CNNM4: variants seen among roughly 807,000 people sequenced by gnomAD.
The protein encoded by CNNM4 is cyclin and CBS domain divalent metal cation transport mediator 4, also known as metal transporter CNNM4.
In CNNM4, 32 loss-of-function variants were observed where a neutral mutation model predicts 53.7. The observed-to-expected ratio is 0.60, with a 90% confidence interval of 0.45 to 0.80. CNNM4 has a LOEUF of 0.80. CNNM4 is among the 30% of genes least tolerant of loss of function. The pLI is 0.00. For synonymous variants in CNNM4, 410 were observed against 440.0 expected (o/e 0.93, Z 0.85); for missense variants, 784 against 1,022.0 (o/e 0.77, Z 3.17).
chr2:96,794,130 C>A (rs1357121323), intron 1 of CNNM4, among the ~76,000 whole-genome samples: 1 of 152,086 alleles, frequency 6.6e-6, no homozygotes, highest in African/African-American at 2.4e-5. Context: ...GCTCACTGAA[C>A]CTTGTCAAAG....
intron 1 of CNNM4, among the ~76,000 whole-genome samples, chr2:96,791,769 A>G (rs1286859824): frequency 6.6e-6 from 1 of 152,170 alleles, no homozygotes; most frequent in Non-Finnish European, 1.5e-5. Flanking sequence ...AAAACCAGCA[A>G]TTCATGTGGC....
chr2:96,778,570 A>T (rs1240187511), intron 1 of CNNM4, among the ~76,000 whole-genome samples: 1 of 151,866 alleles, frequency 6.6e-6, no homozygotes, highest in Non-Finnish European at 1.5e-5. Flanking sequence ...AAAAAAAAAA[A>T]AATTATTTCT....
At chr2:96,769,636 C>CT (rs1371329320) in intron 1 of CNNM4, among the ~76,000 whole-genome samples, 2 of 151,278 alleles carry the variant, frequency 1.3e-5, no homozygotes, top group African/African-American at 2.4e-5. Flanking sequence ...AAAAGCCAGG[C>CT]TGAGGCGACT....
intron 1 of CNNM4, among the ~76,000 whole-genome samples, chr2:96,767,907 T>TA (rs1393704805): frequency 2.0e-5 from 3 of 152,204 alleles, no homozygotes; most frequent in African/African-American, 7.2e-5. Flanking sequence ...CCATCTTTAC[T>TA]AAAAAAATGC....
chr2:96,789,453 A>G (rs1303985277), intron 1 of CNNM4, among the ~76,000 whole-genome samples: 4 of 152,056 alleles, frequency 2.6e-5, no homozygotes, highest in African/African-American at 9.7e-5. Flanking sequence ...GAGGCCTCAC[A>G]TGGTGTTCTT....
At chr2:96,769,432 G>A (rs1321786904) in intron 1 of CNNM4, among the ~76,000 whole-genome samples, 1 of 151,658 alleles carries the variant, frequency 6.6e-6, no homozygotes, top group African/African-American at 2.4e-5. Context: ...AGGCGTGGTG[G>A]TGGGTGCCTG....
chr2:96,785,442 A>AT (rs1178675380), intron 1 of CNNM4, among the ~76,000 whole-genome samples: 4 of 150,764 alleles, frequency 2.7e-5, no homozygotes, highest in Non-Finnish European at 5.9e-5. Context: ...TTTGAGACCA[A>AT]CCTGGGCAAC....
At chr2:96,781,679 G>C (rs1448533853) in intron 1 of CNNM4, among the ~76,000 whole-genome samples, 1 of 152,110 alleles carries the variant, frequency 6.6e-6, no homozygotes, top group Non-Finnish European at 1.5e-5. Flanking sequence ...TTTTTATCCA[G>C]ACCTCATTAC....
At chr2:96,784,088 G>A (rs1017253397) in intron 1 of CNNM4, among the ~76,000 whole-genome samples, 5 of 152,064 alleles carry the variant, frequency 3.3e-5, no homozygotes, top group African/African-American at 1.2e-4. Context: ...CTGTCTCTAC[G>A]AAAATAAAAT....
chr2:96,783,953 A>G (rs982962007), intron 1 of CNNM4, among the ~76,000 whole-genome samples: 1 of 152,258 alleles, frequency 6.6e-6, no homozygotes, highest in Non-Finnish European at 1.5e-5. Flanking sequence ...TATTTTATCT[A>G]TATATATCCA....
rs538461374 is a variant in CNNM4, at chr2:96,777,264, C to T, written c.1402+14863C>T. The stretch of plus-strand genomic sequence containing the variant: ...TCAATCTCTTGATCTTGTGATCTGC[C>T]CGCCTCGGCCTCCCAAAGTGCTGGG... On this transcript the variant is annotated intron_variant, in intron 1 of 6. Transcript: ENST00000377075. Among the ~76,000 whole-genome samples the T allele has an allele frequency of 4.0e-5, 6 of 148,246 alleles. No individual in the cohort carries two copies. In the South Asian group the frequency reaches 1.3e-3, roughly 32 times the overall value.
intron 1 of CNNM4, among the ~76,000 whole-genome samples, chr2:96,786,213 T>C (rs2079015084): frequency 6.6e-6 from 1 of 151,800 alleles, no homozygotes; most frequent in Non-Finnish European, 1.5e-5. Context: ...GGTAGGGAGT[T>C]TGAAACCAGC....
At position 96,784,226 on chromosome 2, in the gene CNNM4, C is replaced by T. The variant is rs549104994; in HGVS notation, c.1403-12786C>T. ...AGGCTGCAGTGAGCTAGGATCGTGCCACTGCACTCTAGCCTGGGTGGCAGC... is the reference window on the plus strand; with the variant it reads ...AGGCTGCAGTGAGCTAGGATCGTGCTACTGCACTCTAGCCTGGGTGGCAGC... On this transcript the variant is annotated intron_variant, in intron 1 of 6. Transcript: ENST00000377075. Among the ~76,000 whole-genome samples, 8 of 152,152 alleles carry T rather than the reference C, an allele frequency of 5.3e-5. No individual in the cohort carries two copies. In the East Asian group the frequency reaches 1.4e-3, roughly 26 times the overall value.
At chr2:96,766,885 G>A (rs773236131) in intron 1 of CNNM4, among the ~76,000 whole-genome samples, 7 of 152,152 alleles carry the variant, frequency 4.6e-5, no homozygotes, top group Non-Finnish European at 1.0e-4. Flanking sequence ...AATGGGTGTT[G>A]TGCACTTACC....
rs2079119056 is a variant in CNNM4 at position 96,797,861 on chromosome 2, T to A, written c.1681+214T>A. 6.6e-6 allele frequency among the ~76,000 whole-genome samples: 1 copy of A among 152,162 alleles called. No homozygotes were observed. Among genetic ancestry groups the A allele is most frequent in the African/African-American group, 2.4e-5 (1 of 41,432 alleles). Reference sequence around the variant, plus strand: ...CATTAATGGGCGGCTACTGCAAACTTCTAGGAAGCATCCAAGTTACTATAT... The same window carrying A: ...CATTAATGGGCGGCTACTGCAAACTACTAGGAAGCATCCAAGTTACTATAT... On this transcript the variant is annotated intron_variant, in intron 3 of 6. Transcript: ENST00000377075. This position sits in a 1 kb window ranked among gnomAD's most constrained non-coding sequence, Gnocchi z 6.0.
At chr2:96,765,518 C>G (rs1433721388) in intron 1 of CNNM4, among the ~76,000 whole-genome samples, 1 of 152,182 alleles carries the variant, frequency 6.6e-6, no homozygotes. Context: ...GGACCCTCCT[C>G]CACCCCAGGT....
chr2:96,772,699 G>A (rs1231615813), intron 1 of CNNM4, among the ~76,000 whole-genome samples: 1 of 83,610 alleles, frequency 1.2e-5, no homozygotes, highest in Admixed American at 1.4e-4. Flanking sequence ...CCCCACATAG[G>A]CACAGGCAGG....
Position 96,808,822 on chromosome 2 carries a change from C to CTGGGT in CNNM4, c.2130+80_2130+81insTGGGT. ...TACTACTTTCATCCACCAAACCCAG[C>CTGGGT]ATGGTGGGCCCAAACCCGAGATGCC... On this transcript the variant is annotated intron_variant, in intron 6 of 6. Coordinates refer to ENST00000377075, the MANE Select transcript of CNNM4 (RefSeq NM_020184.4). The surrounding 1 kb of genome is among the most constrained non-coding windows in gnomAD (Gnocchi z 4.9). 7.0e-7 allele frequency: 1 copy of CTGGGT among 1,420,082 alleles called. No homozygotes were observed. The highest frequency in any genetic ancestry group is 9.9e-7 in the Non-Finnish European group (1 of 1,009,696). The allele number at this position is 1,420,082 out of a possible 1,614,324, so 88.0% of individuals were successfully genotyped here. A position where few individuals can be genotyped will look rare whatever the true frequency, so the allele number is the denominator to read the frequency against.
At chr2:96,781,788 C>T (rs1052260268) in intron 1 of CNNM4, among the ~76,000 whole-genome samples, 1 of 152,078 alleles carries the variant, frequency 6.6e-6, no homozygotes, top group Non-Finnish European at 1.5e-5. Flanking sequence ...GGGTAATCAC[C>T]TGCTTAGTCT....
Sources: gnomAD v4.1 joint callset for allele counts (sites outside exome capture counted in the v4.1 genomes callset) on GRCh38, gnomAD v4.1.1 for gene constraint, Gnocchi (gnomAD v3.1) non-coding constraint, MANE v1.5 for transcripts, NCBI Gene and HGNC (gene_info 2026-07-23, HGNC 2026-07-21) for gene names.